ZNF277: variants seen among roughly 807,000 people sequenced by gnomAD.
ZNF277 encodes nuclear receptor-interacting factor 4.
A neutral mutation model predicts 60.7 loss-of-function variants in ZNF277; 55 were observed. The observed-to-expected ratio is 0.91, with a 90% CI of 0.73 to 1.13. The LOEUF (loss-of-function observed/expected upper bound fraction) is 1.13. Ranked by LOEUF, ZNF277 falls within the 50% of genes most tolerant of loss-of-function variation. The pLI is 0.00. For synonymous variants in ZNF277, 178 were observed against 179.3 expected, an observed-to-expected ratio of 0.99 and a Z score of 0.06; for missense variants, 510 against 523.0, an observed-to-expected ratio of 0.98 and a Z score of 0.24.
At chr7:112,209,299 T>C (rs1270670887) in intron 1 of ZNF277, among the ~76,000 whole-genome samples, 2 of 152,198 alleles carry the variant, frequency 1.3e-5, no homozygotes, top group Non-Finnish European at 2.9e-5. Context: ...AGTTTAAAAT[T>C]TTGACAGATG....
chr7:112,251,357 C>T (rs2117009930), intron 1 of ZNF277, among the ~76,000 whole-genome samples: 1 of 152,288 alleles, frequency 6.6e-6, no homozygotes, highest in Middle Eastern at 3.4e-3. Flanking sequence ...TCTGCTCGTA[C>T]AGATTTTATA....
At chr7:112,330,427 T>C in intron 7 of ZNF277, 1 of 576,964 alleles carries the variant, frequency 1.7e-6, no homozygotes, top group Non-Finnish European at 3.0e-6. Context: ...GTAGTAAAAA[T>C]GTCATGTCTC....
At chr7:112,312,691 A>G (rs930536522) in intron 4 of ZNF277, among the ~76,000 whole-genome samples, 2 of 152,138 alleles carry the variant, frequency 1.3e-5, no homozygotes, top group African/African-American at 4.8e-5. Flanking sequence ...TGTACTGTTG[A>G]TTTAACTTTT....
chr7:112,330,093 C>T lies in ZNF277; in HGVS notation c.678C>T (p.Cys226=). 6.2e-7 allele frequency: 1 copy of T among 1,613,044 alleles called. No individual in the cohort carries two copies. The highest frequency in any genetic ancestry group is 8.5e-7 in the Non-Finnish European group (1 of 1,179,640). ...TGTGTATTTCTTGTAGTTTGCAGTG[C>T]TTGTACTGTGAGAAGACCTTCAGGG... The part of the protein sequence containing the change: ...TLQKKLDNLQ[C]LYCEKTFRDK... Residue 226 remains cysteine (C), a synonymous_variant, in exon 7 of 12, where the codon TGC becomes TGT. Transcript: ENST00000361822.
At chr7:112,300,772 G>C (rs1485002823) in intron 4 of ZNF277, among the ~76,000 whole-genome samples, 1 of 152,068 alleles carries the variant, frequency 6.6e-6, no homozygotes. Flanking sequence ...CTATTTGCCT[G>C]TTCTCCTTTT....
At chr7:112,337,933 A>G (rs1793365152) in intron 9 of ZNF277, 107 bp downstream of exon 9, 1 of 905,360 alleles carries the variant, frequency 1.1e-6, no homozygotes, top group Admixed American at 2.4e-5. Flanking sequence ...CATTATTCCA[A>G]CCAGAAGAGA....
chr7:112,327,207 C>CCAGGGACCAGTTTCAGA (rs1305023421), intron 5 of ZNF277, among the ~76,000 whole-genome samples: 1 of 152,126 alleles, frequency 6.6e-6, no homozygotes, highest in Non-Finnish European at 1.5e-5. Flanking sequence ...CTTTTTGGCA[C>CCAGGGACCAGTTTCAGA]CAGGGACCAG....
At chr7:112,292,673 C>T (rs898772475) in intron 2 of ZNF277, among the ~76,000 whole-genome samples, 1 of 152,100 alleles carries the variant, frequency 6.6e-6, no homozygotes, top group African/African-American at 2.4e-5. Context: ...GGCCTTGGAG[C>T]CAGAGAGACA....
Position 112,296,384 on chromosome 7 carries a change from T to TG in ZNF277, c.465+73_465+74insG, listed in dbSNP as rs200447796. On this transcript the variant is annotated intron_variant, in intron 4 of 11. Transcript: ENST00000361822. ...AATACATATAAAATCATATTGGTTT[T>TG]TTTTTTTTTTACTTTTTGTTATGGA... is the stretch of plus-strand genomic sequence containing the variant. 2.2e-3 allele frequency: 1,646 copies of TG among 757,198 alleles called. 22 individuals are homozygous for TG. The African/African-American group carries it at 0.028, about 13-fold the overall frequency. The allele number at this position is 757,198 out of a possible 1,614,324, so 46.9% of individuals were successfully genotyped here.
At chr7:112,302,168 T>C (rs1204063454) in intron 4 of ZNF277, among the ~76,000 whole-genome samples, 3 of 152,072 alleles carry the variant, frequency 2.0e-5, no homozygotes, top group East Asian at 3.8e-4. Flanking sequence ...CAACTACAAA[T>C]ATTTTATGAA....
At chr7:112,213,434 C>A (rs1013728416) in intron 1 of ZNF277, among the ~76,000 whole-genome samples, 1 of 151,930 alleles carries the variant, frequency 6.6e-6, no homozygotes, top group Non-Finnish European at 1.5e-5. Flanking sequence ...TCAATGGGAC[C>A]CAACTTGTAG....
At chr7:112,252,117 G>C (rs955038325) in intron 1 of ZNF277, among the ~76,000 whole-genome samples, 3 of 152,078 alleles carry the variant, frequency 2.0e-5, no homozygotes, top group African/African-American at 7.2e-5. Flanking sequence ...ATGTGAACTG[G>C]TACATTTTAC....
chr7:112,290,686 GTTGC>G (rs1347623136), intron 2 of ZNF277, among the ~76,000 whole-genome samples: 1 of 152,090 alleles, frequency 6.6e-6, no homozygotes, highest in African/African-American at 2.4e-5. Flanking sequence ...AGTAAACTCT[GTTGC>G]TTTTAAATAC....
chr7:112,309,621 A>T (rs1792676016), intron 4 of ZNF277, among the ~76,000 whole-genome samples: 1 of 151,710 alleles, frequency 6.6e-6, no homozygotes, highest in Non-Finnish European at 1.5e-5. Flanking sequence ...TGATGCATAT[A>T]CTTATTATAT....
At chr7:112,316,267 T>A (rs1792840965) in intron 4 of ZNF277, among the ~76,000 whole-genome samples, 1 of 152,036 alleles carries the variant, frequency 6.6e-6, no homozygotes, top group African/African-American at 2.4e-5. Context: ...CTGGAAAAAT[T>A]GTCTTTTAAG....
intron 1 of ZNF277, among the ~76,000 whole-genome samples, chr7:112,219,423 ATTC>A (rs926626131): frequency 5.3e-5 from 8 of 152,112 alleles, no homozygotes; most frequent in Non-Finnish European, 1.0e-4. Flanking sequence ...GTTCAATTTC[ATTC>A]TTCTTTATGT....
At chr7:112,301,784 A>G (rs922818342) in intron 4 of ZNF277, among the ~76,000 whole-genome samples, 1 of 150,888 alleles carries the variant, frequency 6.6e-6, no homozygotes, top group Non-Finnish European at 1.5e-5. Context: ...CCTTACTAAG[A>G]TGTCTCTTAG....
chr7:112,278,686 G>A (rs900086682), intron 1 of ZNF277, among the ~76,000 whole-genome samples: 3 of 152,052 alleles, frequency 2.0e-5, no homozygotes, highest in African/African-American at 7.2e-5. Flanking sequence ...GGGAAGTAAT[G>A]GGACCATAAT....
Position 112,280,040 on chromosome 7 carries a change from G to C in ZNF277, c.92-6833G>C, listed in dbSNP as rs1299412342. Among the ~76,000 whole-genome samples the C allele has an allele frequency of 2.0e-5, 3 of 152,090 alleles. No homozygotes were observed. In the East Asian group the frequency reaches 5.8e-4, roughly 29 times the overall value. ...TCCTGGATGTGCATAGTTCAAATTCGTGTTCTTTGAGGGTCAACTGCATGC... is the reference window on the plus strand; with the variant it reads ...TCCTGGATGTGCATAGTTCAAATTCCTGTTCTTTGAGGGTCAACTGCATGC... On this transcript the variant is annotated intron_variant, in intron 1 of 11. Coordinates refer to ENST00000361822, the MANE Select transcript of ZNF277 (RefSeq NM_021994.3).
Sources: gnomAD v4.1 joint callset for allele counts (sites outside exome capture counted in the v4.1 genomes callset) on GRCh38, gnomAD v4.1.1 for gene constraint, MANE v1.5 for transcripts, NCBI Gene and HGNC (gene_info 2026-07-23, HGNC 2026-07-21) for gene names.